The following ASIC2 variants were observed in gnomAD, a reference collection of about 807,000 sequenced individuals.
The protein encoded by ASIC2 is acid sensing ion channel subunit 2.
ASIC2 carries 25 observed loss-of-function variants against 57.3 expected under a neutral mutation model. The observed-to-expected ratio is 0.44, with a 90% confidence interval of 0.32 to 0.61. The LOEUF (loss-of-function observed/expected upper bound fraction) is 0.61, where lower values mean the gene tolerates loss of function less well. Ranked by LOEUF, ASIC2 falls within the 20% of genes least tolerant of loss-of-function variation. The probability of loss-of-function intolerance (pLI) is 0.06; values close to 1 mark genes in which losing one functional copy is unlikely to be tolerated. For synonymous variants in ASIC2, 319 were observed against 307.5 expected, an observed-to-expected ratio of 1.04 and a Z score of -0.39; for missense variants, 641 against 738.1, an observed-to-expected ratio of 0.87 and a Z score of 1.52.
intron 1 of ASIC2, among the ~76,000 whole-genome samples, chr17:34,126,091 C>G (rs909492079): frequency 6.6e-6 from 1 of 152,150 alleles, no homozygotes; most frequent in Admixed American, 6.5e-5. Context: ...GGTGTGTCTC[C>G]TCCCCTCATC....
At chr17:33,909,676 G>A (rs1365498228) in intron 1 of ASIC2, among the ~76,000 whole-genome samples, 1 of 152,200 alleles carries the variant, frequency 6.6e-6, no homozygotes, top group Non-Finnish European at 1.5e-5. Context: ...CAGAGGTGAA[G>A]AATTTAATTC....
At position 33,774,908 on chromosome 17, in the gene ASIC2, G is replaced by A. The variant is rs1298699007; in HGVS notation, c.555+381070C>T. 2.0e-5 allele frequency among the ~76,000 whole-genome samples: 3 copies of A among 152,176 alleles called. No homozygotes were observed. The East Asian group carries it at 5.8e-4, about 29-fold the overall frequency. ...TACAATGATGAATTTTTCAATGACT[G>A]TGCAGTCCCTGGTTCATGAGGGATC... is the stretch of plus-strand genomic sequence containing the variant. On this transcript the variant is annotated intron_variant, in intron 1 of 9. Transcript: ENST00000359872.
intron 1 of ASIC2, among the ~76,000 whole-genome samples, chr17:33,153,578 T>C (rs1172849408): frequency 6.6e-6 from 1 of 152,214 alleles, no homozygotes; most frequent in Non-Finnish European, 1.5e-5. Context: ...TTTCGTCTAC[T>C]ATTTTGACGA....
At chr17:33,961,804 T>A (rs2141992450) in intron 1 of ASIC2, among the ~76,000 whole-genome samples, 1 of 152,166 alleles carries the variant, frequency 6.6e-6, no homozygotes, top group Admixed American at 6.5e-5. Flanking sequence ...CAGGAAGGTG[T>A]CAAGGAAGCT....
At chr17:33,730,936 G>A (rs1344329562) in intron 1 of ASIC2, among the ~76,000 whole-genome samples, 1 of 152,158 alleles carries the variant, frequency 6.6e-6, no homozygotes, top group Non-Finnish European at 1.5e-5. Flanking sequence ...TGTTCACAGT[G>A]GTGGCAATGA....
chr17:33,978,712 G>C (rs1350061339), intron 1 of ASIC2, among the ~76,000 whole-genome samples: 1 of 152,138 alleles, frequency 6.6e-6, no homozygotes, highest in African/African-American at 2.4e-5. Flanking sequence ...CTGGCCCTCT[G>C]TGCTAGGCCT....
intron 1 of ASIC2, among the ~76,000 whole-genome samples, chr17:33,147,229 CA>C (rs34665868): frequency 2.4e-4 from 36 of 151,882 alleles, no homozygotes; most frequent in Admixed American, 1.4e-3. Flanking sequence ...GTAAAAACTG[CA>C]AAAAAAGCAG....
At chr17:33,019,171 AGTGTGGG>A (rs2091823351) in intron 7 of ASIC2, among the ~76,000 whole-genome samples, 1 of 151,910 alleles carries the variant, frequency 6.6e-6, no homozygotes, top group Non-Finnish European at 1.5e-5. Flanking sequence ...GTAGTGGTAT[AGTGTGGG>A]GTATATGCCA....
At chr17:34,031,893 A>AC (rs1257337052) in intron 1 of ASIC2, among the ~76,000 whole-genome samples, 1 of 152,254 alleles carries the variant, frequency 6.6e-6, no homozygotes, top group Non-Finnish European at 1.5e-5. Context: ...TGATTGATTT[A>AC]CCTGAAAGTG....
intron 1 of ASIC2, among the ~76,000 whole-genome samples, chr17:34,025,392 C>T (rs1336302278): frequency 6.6e-6 from 1 of 152,188 alleles, no homozygotes; most frequent in South Asian, 2.1e-4. Context: ...GTTGCACCCC[C>T]TCGTGGAGTG....
chr17:33,838,135 C>T (rs1332862593), intron 1 of ASIC2, among the ~76,000 whole-genome samples: 2 of 152,088 alleles, frequency 1.3e-5, no homozygotes, highest in Non-Finnish European at 2.9e-5. Flanking sequence ...TCTTCTTCTC[C>T]CAACCAGAGT....
chr17:33,466,908 C>A (rs1202358766), intron 1 of ASIC2, among the ~76,000 whole-genome samples: 1 of 152,194 alleles, frequency 6.6e-6, no homozygotes, highest in Non-Finnish European at 1.5e-5. Context: ...AAAACCTAGG[C>A]AATACCATTC....
At chr17:33,602,749 G>T (rs1189260947) in intron 1 of ASIC2, among the ~76,000 whole-genome samples, 1 of 152,178 alleles carries the variant, frequency 6.6e-6, no homozygotes, top group Non-Finnish European at 1.5e-5. Context: ...CAGGACCTTT[G>T]CATGGACTGG....
Position 33,291,658 on chromosome 17 carries a change from T to C in ASIC2, c.458A>G (p.Tyr153Cys). 5 of 1,612,676 alleles carry C rather than the reference T, an allele frequency of 3.1e-6. No homozygotes were observed. Among genetic ancestry groups the C allele is most frequent in the Non-Finnish European group, 4.2e-6 (5 of 1,179,684 alleles). Residue 153 changes from tyrosine to cysteine, a missense_variant, in exon 1 of 10, where the codon TAT becomes TGT. Coordinates refer to ENST00000225823, the MANE Select transcript of ASIC2 (RefSeq NM_183377.2). ...FPRLSKGDLY[Y>C]AGHWLGLLLP... ...CAGCAGCCCGAGCCAGTGGCCGGCATAGTAGAGGTCCCCCTTGGAGAGGCG... is the reference window on the plus strand; with the variant it reads ...CAGCAGCCCGAGCCAGTGGCCGGCACAGTAGAGGTCCCCCTTGGAGAGGCG...
intron 1 of ASIC2, among the ~76,000 whole-genome samples, chr17:33,407,294 G>A (rs779270592): frequency 6.6e-6 from 1 of 152,192 alleles, no homozygotes; most frequent in Non-Finnish European, 1.5e-5. Flanking sequence ...TTTGAACTCA[G>A]ACACTTTGAT....
At chr17:33,681,714 T>G (rs1026309777) in intron 1 of ASIC2, among the ~76,000 whole-genome samples, 1 of 152,226 alleles carries the variant, frequency 6.6e-6, no homozygotes. Context: ...GCTCTAGTCC[T>G]GCCAGGTTCA....
chr17:33,101,395 G>A (rs908587489), intron 2 of ASIC2, among the ~76,000 whole-genome samples: 4 of 152,116 alleles, frequency 2.6e-5, no homozygotes, highest in African/African-American at 4.8e-5. Flanking sequence ...GGTATTGCAA[G>A]GCTTCTAATG....
chr17:34,037,497 A>C, intron 1 of ASIC2: 2 of 1,180,224 alleles, frequency 1.7e-6, no homozygotes, highest in South Asian at 1.6e-5. Context: ...AAAAAGCAAG[A>C]AAATAGAAGC....
intron 1 of ASIC2, among the ~76,000 whole-genome samples, chr17:33,131,082 C>T (rs1182657751): frequency 6.6e-6 from 1 of 152,150 alleles, no homozygotes; most frequent in Non-Finnish European, 1.5e-5. Flanking sequence ...GGCATAGAGC[C>T]TACTATGCTT....
Sources: allele counts gnomAD v4.1 joint callset (sites outside exome capture counted in the v4.1 genomes callset), GRCh38; gene constraint gnomAD v4.1.1; transcripts MANE v1.5; gene names NCBI Gene and HGNC (gene_info 2026-07-23, HGNC 2026-07-21).